NTNG1: variants seen among roughly 807,000 people sequenced by gnomAD.
NTNG1 encodes netrin-G1.
Under a neutral mutation model 54.0 loss-of-function variants are expected in NTNG1, and 16 were observed. The ratio of observed to expected loss-of-function variants is 0.30; its 90% CI spans 0.20 to 0.45. The LOEUF (loss-of-function observed/expected upper bound fraction) is 0.45. NTNG1 is among the 20% of genes least tolerant of loss of function. NTNG1 has a pLI of 1.00. For synonymous variants in NTNG1, 255 were observed against 263.1 expected, an observed-to-expected ratio of 0.97 and a Z score of 0.30; for missense variants, 530 against 678.7, an observed-to-expected ratio of 0.78 and a Z score of 2.43.
At chr1:107,166,048 T>G (rs1655769389) in intron 2 of NTNG1, among the ~76,000 whole-genome samples, 1 of 152,178 alleles carries the variant, frequency 6.6e-6, no homozygotes, top group African/African-American at 2.4e-5. Flanking sequence ...ATAAAGTCAA[T>G]AATTATTTAC....
At position 107,151,979 on chromosome 1, in the gene NTNG1, A is replaced by AAT. The variant is rs199824787; in HGVS notation, c.246+3151_246+3152dup. Among the ~76,000 whole-genome samples the AAT allele has an allele frequency of 7.3e-5, 11 of 151,370 alleles. No individual in the cohort carries two copies. The South Asian group carries it at 8.3e-4, about 11-fold the overall frequency. ...TTAATCATAGTGGATAAGGAAGAGG[A>AAT]ATATATATATATGCACACACATATA... On this transcript the variant is annotated intron_variant, in intron 2 of 7. Coordinates refer to ENST00000370068, the MANE Select transcript of NTNG1 (RefSeq NM_001113226.3).
At chr1:107,185,601 A>G (rs932651965) in intron 2 of NTNG1, among the ~76,000 whole-genome samples, 4 of 152,180 alleles carry the variant, frequency 2.6e-5, no homozygotes, top group African/African-American at 9.6e-5. Context: ...TTGAGTGGCT[A>G]TGAATTTTTG....
intron 2 of NTNG1, among the ~76,000 whole-genome samples, chr1:107,267,082 CTG>C (rs1239776691): frequency 6.6e-6 from 1 of 152,184 alleles, no homozygotes; most frequent in African/African-American, 2.4e-5. Flanking sequence ...AATTCAGAAA[CTG>C]TTCCTCAGCT....
At chr1:107,412,856 A>C (rs1673922214) in intron 5 of NTNG1, among the ~76,000 whole-genome samples, 1 of 152,184 alleles carries the variant, frequency 6.6e-6, no homozygotes, top group Non-Finnish European at 1.5e-5. Context: ...TAGCTATGCA[A>C]ATTGTGAAGC....
rs561549753 is a variant in NTNG1 at position 107,368,042 on chromosome 1, G to A, written c.888-27112G>A. On this transcript the variant is annotated intron_variant, in intron 3 of 7. Transcript: ENST00000370068. ...CAAAGTGCTGGGATTACAGTCATGAGCCACCGTGCCCGGCCTAAAAACTTT... is the reference window on the plus strand; with the variant it reads ...CAAAGTGCTGGGATTACAGTCATGAACCACCGTGCCCGGCCTAAAAACTTT... Among the ~76,000 whole-genome samples, 4 of 152,238 alleles carry A rather than the reference G, an allele frequency of 2.6e-5. No homozygotes were observed. In the South Asian group the frequency reaches 8.3e-4, roughly 32 times the overall value.
At chr1:107,200,582 G>A (rs1658673491) in intron 2 of NTNG1, among the ~76,000 whole-genome samples, 1 of 151,584 alleles carries the variant, frequency 6.6e-6, no homozygotes, top group Admixed American at 6.6e-5. Context: ...CATTGTTGTT[G>A]TTTCACCGTC....
At chr1:107,258,836 C>T (rs558707533) in intron 2 of NTNG1, among the ~76,000 whole-genome samples, 12 of 152,218 alleles carry the variant, frequency 7.9e-5, no homozygotes, top group African/African-American at 2.6e-4. Context: ...ACAGTGTAGC[C>T]ATCTTCATAC....
At chr1:107,276,589 A>G (rs1664492656) in intron 2 of NTNG1, among the ~76,000 whole-genome samples, 1 of 152,022 alleles carries the variant, frequency 6.6e-6, no homozygotes, top group South Asian at 2.1e-4. Flanking sequence ...CTGGGTATCT[A>G]CTTCTGCTAG....
intron 3 of NTNG1, among the ~76,000 whole-genome samples, chr1:107,358,089 C>G (rs1341474739): frequency 1.3e-5 from 2 of 152,100 alleles, no homozygotes; most frequent in Non-Finnish European, 2.9e-5. Flanking sequence ...TATTGTGACT[C>G]TAAACACTGT....
In NTNG1 at chr1:107,450,210, C is replaced by T. The variant is rs56221845; in HGVS notation, c.1390+13411C>T. On this transcript the variant is annotated intron_variant, in intron 7 of 7. Transcript: ENST00000370068. ...ATAATGAAACCAAATGTAATATTTGCAACCTAAGCTAATGTGCCTAAATTC... is the reference window on the plus strand; with the variant it reads ...ATAATGAAACCAAATGTAATATTTGTAACCTAAGCTAATGTGCCTAAATTC... 5.6e-3 allele frequency among the ~76,000 whole-genome samples: 849 copies of T among 152,168 alleles called. 5 individuals carry two copies. Among genetic ancestry groups the T allele is most frequent in the Non-Finnish European group, 9.6e-3 (654 of 67,980 alleles).
intron 2 of NTNG1, among the ~76,000 whole-genome samples, chr1:107,232,001 G>C (rs551634600): frequency 6.6e-6 from 1 of 152,010 alleles, no homozygotes; most frequent in East Asian, 1.9e-4. Context: ...AATAATGAAG[G>C]CCTCTTGATT....
At chr1:107,417,057 T>C (rs1674259941) in intron 5 of NTNG1, among the ~76,000 whole-genome samples, 1 of 152,108 alleles carries the variant, frequency 6.6e-6, no homozygotes, top group African/African-American at 2.4e-5. Context: ...AGTAGGCTTG[T>C]CCTATTAATT....
At chr1:107,401,599 A>G in intron 4 of NTNG1, among the ~76,000 whole-genome samples, 1 of 152,270 alleles carries the variant, frequency 6.6e-6, no homozygotes, top group East Asian at 1.9e-4. Context: ...ACCCTCACAC[A>G]AGTTTCAGTA....
At chr1:107,189,273 C>T (rs1390560827) in intron 2 of NTNG1, among the ~76,000 whole-genome samples, 2 of 148,934 alleles carry the variant, frequency 1.3e-5, no homozygotes, top group Admixed American at 6.8e-5. Flanking sequence ...ATCTCTTGAA[C>T]CCAGGAGGCA....
intron 3 of NTNG1, among the ~76,000 whole-genome samples, chr1:107,376,339 C>T (rs982237699): frequency 3.5e-4 from 53 of 151,204 alleles, no homozygotes; most frequent in African/African-American, 6.8e-4. Flanking sequence ...ACCCGGGAGG[C>T]GGAGCTTACA....
chr1:107,481,024 CTG>C lies in NTNG1; in HGVS notation c.*186_*187del, dbSNP rs1222742395. 1.8e-6 allele frequency: 1 copy of C among 546,396 alleles called. No individual in the cohort carries two copies. 33.8% of individuals were successfully genotyped at this position (546,396 alleles called of 1,614,324 possible). On this transcript the variant is annotated 3_prime_UTR_variant, in exon 8 of 8. Transcript: ENST00000370068. ...CGTGGACAGCACATCCGAGTCAAGA[CTG>C]TTAATTTCTGACTCCAGAGGAGTTG...
At chr1:107,340,248 T>C (rs1475632547) in intron 3 of NTNG1, among the ~76,000 whole-genome samples, 1 of 152,038 alleles carries the variant, frequency 6.6e-6, no homozygotes, top group Non-Finnish European at 1.5e-5. Flanking sequence ...TATTTCTCCT[T>C]TCCCTAAGAT....
At chr1:107,165,032 G>C (rs889798186) in intron 2 of NTNG1, among the ~76,000 whole-genome samples, 1 of 152,072 alleles carries the variant, frequency 6.6e-6, no homozygotes, top group African/African-American at 2.4e-5. Context: ...TGAGTAGTTT[G>C]GCGGGAAGGG....
chr1:107,318,598 GC>G (rs1283655846), intron 2 of NTNG1, among the ~76,000 whole-genome samples: 10 of 152,048 alleles, frequency 6.6e-5, no homozygotes, highest in African/African-American at 2.4e-4. Flanking sequence ...AAAAGTTATG[GC>G]CACAGTGTGT....
Sources: allele counts gnomAD v4.1 joint callset (sites outside exome capture counted in the v4.1 genomes callset), GRCh38; gene constraint gnomAD v4.1.1; transcripts MANE v1.5; gene names NCBI Gene and HGNC (gene_info 2026-07-23, HGNC 2026-07-21).